The following ZNF613 variants were observed in gnomAD, a reference collection of about 807,000 sequenced individuals.
ZNF613 encodes zinc finger protein 613.
ZNF613 carries 8 observed loss-of-function variants against 14.3 expected under a neutral mutation model. That is an observed-to-expected ratio of 0.56 (90% confidence interval 0.33 to 1.01). The LOEUF is 1.01. Ranked by LOEUF, ZNF613 falls within the 50% of genes least tolerant of loss-of-function variation. ZNF613 has a pLI of 0.03. For synonymous variants in ZNF613, 228 were observed against 254.5 expected (o/e 0.90, Z 0.99); for missense variants, 656 against 741.9 (o/e 0.88, Z 1.35).
intron 5 of ZNF613, among the ~76,000 whole-genome samples, chr19:51,943,375 T>C (rs1404757980): frequency 6.6e-6 from 1 of 152,220 alleles, no homozygotes; most frequent in African/African-American, 2.4e-5. Context: ...GAGCATGAAA[T>C]CTTGCACCAT....
At chr19:51,936,530 C>T (rs2085306405) in intron 3 of ZNF613, among the ~76,000 whole-genome samples, 1 of 152,050 alleles carries the variant, frequency 6.6e-6, no homozygotes, top group African/African-American at 2.4e-5. Context: ...ACTTTGTCAC[C>T]CAGGCTGGAG....
At chr19:51,928,865 AAAAAG>A (rs924963053) in intron 1 of ZNF613, among the ~76,000 whole-genome samples, 51 of 152,008 alleles carry the variant, frequency 3.4e-4, no homozygotes, top group Non-Finnish European at 5.0e-4. Context: ...AAAAAAAAAA[AAAAAG>A]AAAAGAAAAG....
At position 51,936,185 on chromosome 19, in the gene ZNF613, T is replaced by G. The variant is rs755707639; in HGVS notation, c.-36T>G. The G allele has an allele frequency of 6.2e-7, 1 of 1,600,414 alleles. No individual in the cohort carries two copies. Among genetic ancestry groups the G allele is most frequent in the South Asian group, 1.1e-5 (1 of 88,140 alleles). On this transcript the variant is annotated 5_prime_UTR_variant, in exon 3 of 6. Transcript: ENST00000293471. ...TCAAGGAGAGACTACAGACACAGCATCCTACTTACTGGCTATTTCCCAGTA... is the reference window on the plus strand; with the variant it reads ...TCAAGGAGAGACTACAGACACAGCAGCCTACTTACTGGCTATTTCCCAGTA...
At chr19:51,939,815 ATGAAGATTCAT>A (rs951447182) in intron 3 of ZNF613, among the ~76,000 whole-genome samples, 3 of 152,230 alleles carry the variant, frequency 2.0e-5, no homozygotes, top group Non-Finnish European at 2.9e-5. Context: ...GGTAGCGCAC[ATGAAGATTCAT>A]TGAAGATTCA....
intron 5 of ZNF613, among the ~76,000 whole-genome samples, chr19:51,943,422 A>C (rs2085366097): frequency 6.6e-6 from 1 of 152,218 alleles, no homozygotes; most frequent in East Asian, 1.9e-4. Flanking sequence ...TTTTTTGTCC[A>C]GCATATGCAT....
chr19:51,940,182 A>G (rs1359337236), intron 3 of ZNF613, 27 bp from the exon 4 acceptor site: 9 of 1,611,226 alleles, frequency 5.6e-6, no homozygotes, highest in Admixed American at 1.7e-5. Context: ...GAAATACTTC[A>G]TATTAAGCAG....
In ZNF613 at chr19:51,945,266, T is replaced by C; in HGVS notation, c.1383T>C (p.Cys461=). 6.2e-7 allele frequency: 1 copy of C among 1,614,048 alleles called. No individual in the cohort carries two copies. The highest frequency in any genetic ancestry group is 2.2e-5 in the East Asian group (1 of 44,874). The change falls in exon 6 of 6, where the codon TGT becomes TGC. Residue 461 remains cysteine (C), a synonymous_variant. Coordinates refer to ENST00000293471, the MANE Select transcript of ZNF613 (RefSeq NM_001031721.4). The part of the protein sequence containing the change: ...TGKTPFVCTE[C]GKSCSHKSGL... Reference sequence around the variant, plus strand: ...AGACACCCTTTGTATGTACTGAGTGTGGAAAATCCTGCTCACACAAGTCAG... The same window carrying C: ...AGACACCCTTTGTATGTACTGAGTGCGGAAAATCCTGCTCACACAAGTCAG...
chr19:51,928,565 C>A (rs2085236593), intron 1 of ZNF613, among the ~76,000 whole-genome samples: 1 of 152,132 alleles, frequency 6.6e-6, no homozygotes, highest in African/African-American at 2.4e-5. Context: ...TTAATCAAAT[C>A]TAAAATGGTA....
At chr19:51,938,037 A>G (rs1416918505) in intron 3 of ZNF613, among the ~76,000 whole-genome samples, 1 of 151,882 alleles carries the variant, frequency 6.6e-6, no homozygotes, top group Non-Finnish European at 1.5e-5. Flanking sequence ...GGCCCCGAAT[A>G]TAAATGCCAT....
intron 5 of ZNF613, among the ~76,000 whole-genome samples, chr19:51,942,185 T>G (rs1488722932): frequency 6.6e-6 from 1 of 152,228 alleles, no homozygotes; most frequent in South Asian, 2.1e-4. Context: ...AAGCACTACA[T>G]TTGAAGTAGT....
At chr19:51,928,730 C>T (rs1226217488) in intron 1 of ZNF613, among the ~76,000 whole-genome samples, 2 of 151,864 alleles carry the variant, frequency 1.3e-5, no homozygotes, top group Non-Finnish European at 2.9e-5. Flanking sequence ...TAACACACGC[C>T]TGTAGTCTCA....
intron 2 of ZNF613, among the ~76,000 whole-genome samples, chr19:51,930,879 C>T (rs765773471): frequency 1.2e-4 from 18 of 152,146 alleles, no homozygotes; most frequent in Non-Finnish European, 2.1e-4. Flanking sequence ...TTAACATTTC[C>T]GCCAGCGATA....
chr19:51,945,452 C>G lies in ZNF613; in HGVS notation c.1569C>G (p.His523Gln), dbSNP rs370400096. Residue 523 changes from histidine to glutamine, a missense_variant, in exon 6 of 6, where the codon CAC (histidine) becomes CAG (glutamine). By Grantham distance (24) the His-to-Gln change is conservative. Transcript: ENST00000293471. The stretch of plus-strand genomic sequence containing the variant: ...CTGATTGTGGGAAAGCTTTCTCCCA[C>G]TTGTCATGCCTTGTTTATCATAAGG... ...GCSDCGKAFSHLSCLVYHKGM... is the reference protein window; with the variant it reads ...GCSDCGKAFSQLSCLVYHKGM... The G allele has an allele frequency of 2.0e-5, 32 of 1,614,194 alleles. No individual in the cohort carries two copies. In the East Asian group the frequency reaches 2.9e-4, roughly 15 times the overall value.
In ZNF613 at chr19:51,945,258, A is replaced by T. The variant is rs764930826; in HGVS notation, c.1375A>T (p.Thr459Ser). 1.9e-5 allele frequency: 31 copies of T among 1,614,036 alleles called. No homozygotes were observed. Among genetic ancestry groups the T allele is most frequent in the African/African-American group, 2.7e-5 (2 of 74,924 alleles). Residue 459 changes from threonine to serine, a missense_variant, in exon 6 of 6, where the codon ACT becomes TCT. Transcript: ENST00000293471. Reference protein sequence around the residue: ...FHTGKTPFVCTECGKSCSHKS... With the variant: ...FHTGKTPFVCSECGKSCSHKS... ...CACAGGAAAGACACCCTTTGTATGT[A>T]CTGAGTGTGGAAAATCCTGCTCACA...
chr19:51,938,022 C>T (rs541790142), intron 3 of ZNF613, among the ~76,000 whole-genome samples: 5 of 152,138 alleles, frequency 3.3e-5, no homozygotes, highest in South Asian at 2.1e-4. Flanking sequence ...TGAGCCACCA[C>T]GCCTGGCCCC....
At chr19:51,935,273 T>A (rs1162814870) in intron 2 of ZNF613, among the ~76,000 whole-genome samples, 1 of 152,230 alleles carries the variant, frequency 6.6e-6, no homozygotes, top group Admixed American at 6.5e-5. Flanking sequence ...CAGTGCTGAT[T>A]TCAGAAGGTC....
chr19:51,928,292 G>A (rs2085234495), intron 1 of ZNF613, among the ~76,000 whole-genome samples: 1 of 152,154 alleles, frequency 6.6e-6, no homozygotes, highest in South Asian at 2.1e-4. Context: ...CTAGGTGTGT[G>A]GTCCAGGTTT....
intron 2 of ZNF613, among the ~76,000 whole-genome samples, 154 bp from the exon 3 acceptor site, chr19:51,935,874 C>G (rs185262364): frequency 6.6e-6 from 1 of 152,208 alleles, no homozygotes; most frequent in East Asian, 1.9e-4. Context: ...TTTTGTTGCT[C>G]CAGGATTTGT....
In ZNF613 at chr19:51,945,118, AG is replaced by A; in HGVS notation, c.1238del (p.Gly413AlafsTer31). On this transcript the variant is annotated frameshift_variant, in exon 6 of 6. Transcript: ENST00000293471. LOFTEE classifies it low-confidence loss of function (END_TRUNC). ...CNECGKGFIQKGNLLIHRRTH... is the reference protein window; with the variant it reads ...CNECGKGFIQXGNLLIHRRTH... ...GAATGTGGAAAAGGCTTCATCCAAA[AG>A]GGCAACCTCCTTATTCATCGACGTA... The A allele has an allele frequency of 6.2e-7, 1 of 1,614,228 alleles. No individual in the cohort carries two copies. The highest frequency in any genetic ancestry group is 1.1e-5 in the South Asian group (1 of 91,084).
Sources: allele counts gnomAD v4.1 joint callset (sites outside exome capture counted in the v4.1 genomes callset), GRCh38; gene constraint gnomAD v4.1.1; transcripts MANE v1.5; gene names NCBI Gene and HGNC (gene_info 2026-07-23, HGNC 2026-07-21).